Variants in KHSRP observed in about 807,000 individuals in gnomAD.
KHSRP encodes the protein far upstream element-binding protein 2.
In KHSRP, 13 loss-of-function variants were observed where a neutral mutation model predicts 94.9. The ratio of observed to expected loss-of-function variants is 0.14; its 90% confidence interval spans 0.09 to 0.22. The LOEUF (loss-of-function observed/expected upper bound fraction) is 0.22. Ranked by LOEUF, KHSRP falls within the 10% of genes least tolerant of loss-of-function variation. KHSRP has a pLI of 1.00. For missense variants in KHSRP, 710 were observed against 1,010.0 expected (o/e 0.70, Z 4.03); for synonymous variants, 495 against 401.4 (o/e 1.23, Z -2.79).
At chr19:6,420,366 G>C in intron 5 of KHSRP, 56 bp downstream of exon 5, 9 of 1,558,868 alleles carry the variant, frequency 5.8e-6, no homozygotes, top group Non-Finnish European at 8.0e-6. Flanking sequence ...GGAGCTCACA[G>C]GACACTTCCT....
chr19:6,416,129 C>A (rs1228641038), intron 15 of KHSRP, among the ~76,000 whole-genome samples, 169 bp downstream of exon 15: 1 of 152,320 alleles, frequency 6.6e-6, no homozygotes, highest in Admixed American at 6.5e-5. Flanking sequence ...TGCTGAAAGG[C>A]ACATGCTCTA....
intron 4 of KHSRP, 37 bp downstream of exon 4, chr19:6,421,241 C>T (rs766052716): frequency 3.1e-5 from 49 of 1,564,670 alleles, no homozygotes; most frequent in Non-Finnish European, 4.0e-5. Context: ...TGCTGGCCAA[C>T]AGACAAGAAA....
At chr19:6,421,430 C>A in intron 3 of KHSRP, 113 bp from the exon 4 acceptor site, 1 of 1,151,892 alleles carries the variant, frequency 8.7e-7, no homozygotes, top group Non-Finnish European at 1.3e-6. Context: ...CCAGCCTGCT[C>A]CAGTGCCTCA....
chr19:6,414,296 C>G lies in KHSRP; in HGVS notation c.*728G>C. 1 of 1,387,728 alleles carries G rather than the reference C, an allele frequency of 7.2e-7. No individual in the cohort carries two copies. The highest frequency in any genetic ancestry group is 1.8e-5 in the South Asian group (1 of 55,680). 86.0% of individuals were successfully genotyped at this position (1,387,728 alleles called of 1,614,324 possible). A position where few individuals can be genotyped will look rare whatever the true frequency, so the allele number is the denominator to read the frequency against. ...TGTTAACTGTCTAGCCAGGTGCTCGCGGGACTCGCTGAAGTCACGCTGCTC... is the reference window on the plus strand; with the variant it reads ...TGTTAACTGTCTAGCCAGGTGCTCGGGGGACTCGCTGAAGTCACGCTGCTC... On this transcript the variant is annotated 3_prime_UTR_variant, in exon 19 of 19. Transcript: ENST00000600480.
At chr19:6,419,061 C>T in intron 7 of KHSRP, 142 bp downstream of exon 7, 1 of 1,105,046 alleles carries the variant, frequency 9.0e-7, no homozygotes, top group South Asian at 1.4e-5. Flanking sequence ...GGGAATCAGC[C>T]TCATGTTAAC....
intron 6 of KHSRP, 91 bp from the exon 7 acceptor site, chr19:6,419,351 G>A: frequency 8.4e-7 from 1 of 1,186,596 alleles, no homozygotes; most frequent in Non-Finnish European, 1.2e-6. Context: ...GAACAACCAA[G>A]GGCCACTTCT....
At chr19:6,417,933 C>G in intron 10 of KHSRP, 48 bp downstream of exon 10, 2 of 1,606,004 alleles carry the variant, frequency 1.2e-6, no homozygotes. Flanking sequence ...CCCGGCCCCT[C>G]CCTCCACTGG....
In KHSRP at chr19:6,414,541, G is replaced by C; in HGVS notation, c.*483C>G. 1 of 1,033,858 alleles carries C rather than the reference G, an allele frequency of 9.7e-7. No individual in the cohort carries two copies. The allele number at this position is 1,033,858 out of a possible 1,614,324, so 64.0% of individuals were successfully genotyped here. A position where few individuals can be genotyped will look rare whatever the true frequency, so the allele number is the denominator to read the frequency against. ...TCACGCCCACTTCACAGACAAGCCC[G>C]GGACACAGGCAAGCGCGAGCGCATG... is the stretch of plus-strand genomic sequence containing the variant. On this transcript the variant is annotated 3_prime_UTR_variant, in exon 19 of 19. Transcript: ENST00000600480.
rs771260489 is a variant in KHSRP, at chr19:6,418,129, AC to A, written c.880-51del. 2.6e-5 allele frequency: 39 copies of A among 1,512,232 alleles called. No individual in the cohort carries two copies. Among genetic ancestry groups the A allele is most frequent in the Non-Finnish European group, 3.4e-5 (37 of 1,094,758 alleles). 93.7% of individuals were successfully genotyped at this position (1,512,232 alleles called of 1,614,324 possible). On this transcript the variant is annotated intron_variant, in intron 9 of 18. Transcript: ENST00000600480. This position sits in a 1 kb window ranked among gnomAD's most constrained non-coding sequence, Gnocchi z 4.3. ...CCATGGGTGAGCCCTGCTGCCCCAC[AC>A]CCCCCCACCTCCTCGGGGGTGCGGG...
Position 6,414,970 on chromosome 19 carries a change from G to C in KHSRP, c.*54C>G. The C allele has an allele frequency of 7.0e-7, 1 of 1,435,736 alleles. No individual in the cohort carries two copies. The highest frequency in any genetic ancestry group is 9.1e-7 in the Non-Finnish European group (1 of 1,100,532). The allele number at this position is 1,435,736 out of a possible 1,614,324, so 88.9% of individuals were successfully genotyped here. On this transcript the variant is annotated 3_prime_UTR_variant, in exon 19 of 19. Coordinates refer to ENST00000600480, the MANE Select transcript of KHSRP (RefSeq NM_001366299.1). The stretch of plus-strand genomic sequence containing the variant: ...TCTGGACCCAGCGAATGCTTCCCTG[G>C]CGGTGCGTGGGGACTCCCGGAGACC...
chr19:6,414,470 T>C lies in KHSRP; in HGVS notation c.*554A>G, dbSNP rs2092126735. 8.8e-7 allele frequency: 1 copy of C among 1,132,880 alleles called. No homozygotes were observed. Among genetic ancestry groups the C allele is most frequent in the Non-Finnish European group, 1.1e-6 (1 of 923,398 alleles). The allele number at this position is 1,132,880 out of a possible 1,614,324, so 70.2% of individuals were successfully genotyped here. On this transcript the variant is annotated 3_prime_UTR_variant, in exon 19 of 19. Coordinates refer to ENST00000600480, the MANE Select transcript of KHSRP (RefSeq NM_001366299.1). The stretch of plus-strand genomic sequence containing the variant: ...CATGAACAATCCAGAGATCATGGTG[T>C]CCCCACAACACCCCTGTGAGGTAGG...
rs2092172059 is a variant in KHSRP, at chr19:6,418,586, AC to A, written c.781-6del. On this transcript the variant is annotated splice_region_variant and splice_polypyrimidine_tract_variant and intron_variant, in intron 8 of 18. Transcript: ENST00000600480. The surrounding 1 kb of genome is among the most constrained non-coding windows in gnomAD (Gnocchi z 4.3). ...CATCTTCACTCCAGCGCGTTCCTTT[AC>A]AAGCAAGGTTAACCGTTAGTGCTGG... The A allele has an allele frequency of 6.2e-7, 1 of 1,613,720 alleles. No homozygotes were observed. Among genetic ancestry groups the A allele is most frequent in the African/African-American group, 1.3e-5 (1 of 74,902 alleles).
chr19:6,417,882 T>C (rs1328898875), intron 10 of KHSRP, 41 bp from the exon 11 acceptor site: 7 of 1,600,190 alleles, frequency 4.4e-6, no homozygotes, highest in Non-Finnish European at 5.1e-6. Context: ...CCCGCAGCTC[T>C]GCTGCCCTCT....
At chr19:6,420,177 T>G in intron 5 of KHSRP, 33 bp from the exon 6 acceptor site, 1 of 1,585,864 alleles carries the variant, frequency 6.3e-7, no homozygotes, top group Non-Finnish European at 8.6e-7. Context: ...AAGCAAAGCG[T>G]GATGAGGGAA....
chr19:6,419,865 C>T (rs997565756), intron 6 of KHSRP, among the ~76,000 whole-genome samples: 10 of 152,246 alleles, frequency 6.6e-5, no homozygotes, highest in Admixed American at 5.2e-4. Context: ...AGTCCATACC[C>T]ACCCACTGAA....
rs2092116799 is a variant in KHSRP, at chr19:6,413,604, C to A, written c.*1420G>T. 5.6e-6 allele frequency: 1 copy of A among 178,374 alleles called. No homozygotes were observed. The highest frequency in any genetic ancestry group is 7.2e-4 in the Middle Eastern group (1 of 1,382). 11.0% of individuals were successfully genotyped at this position (178,374 alleles called of 1,614,324 possible). On this transcript the variant is annotated 3_prime_UTR_variant, in exon 19 of 19. Transcript: ENST00000600480. ...TACAACACCTGGTCCAAGGAATGTT[C>A]CACCTCTAACTAAAAAAAAGAAATA...
Position 6,414,793 on chromosome 19 carries a change from G to A in KHSRP, c.*231C>T, listed in dbSNP as rs2092130330. The A allele has an allele frequency of 8.7e-7, 1 of 1,153,118 alleles. No homozygotes were observed. The highest frequency in any genetic ancestry group is 4.5e-5 in the East Asian group (1 of 22,098). 71.4% of individuals were successfully genotyped at this position (1,153,118 alleles called of 1,614,324 possible). ...CCAGATTGTGAGCGAGGTGGTGGCG[G>A]CCGGGCCGGTGCCCACCGTCCGCGC... is the stretch of plus-strand genomic sequence containing the variant. On this transcript the variant is annotated 3_prime_UTR_variant, in exon 19 of 19. Coordinates refer to ENST00000600480, the MANE Select transcript of KHSRP (RefSeq NM_001366299.1).
chr19:6,422,409 C>T lies in KHSRP; in HGVS notation c.277G>A (p.Ala93Thr). ...GGAGTGCTGTTATTCACTGTCGTGG[C>T]AGCATCGCCTCCAATTTTGGCTGCA... is the stretch of plus-strand genomic sequence containing the variant. The part of the protein sequence containing the change: ...QIAAKIGGDA[A>T]TTVNNSTPDF... The change falls in exon 2 of 19, where the codon GCC becomes ACC. Residue 93 changes from alanine to threonine, a missense_variant. Transcript: ENST00000600480. 6.2e-7 allele frequency: 1 copy of T among 1,613,752 alleles called. No individual in the cohort carries two copies. The highest frequency in any genetic ancestry group is 8.5e-7 in the Non-Finnish European group (1 of 1,179,780).
chr19:6,419,710 TCA>T (rs140679204), intron 6 of KHSRP, among the ~76,000 whole-genome samples: 1,651 of 152,312 alleles, frequency 0.011, 34 homozygotes, highest in African/African-American at 0.039. Context: ...GGGCCTGACC[TCA>T]GAGTGACCCC....
Sources: gnomAD v4.1 joint callset for allele counts (sites outside exome capture counted in the v4.1 genomes callset) on GRCh38, gnomAD v4.1.1 for gene constraint, Gnocchi (gnomAD v3.1) non-coding constraint, MANE v1.5 for transcripts, NCBI Gene and HGNC (gene_info 2026-07-23, HGNC 2026-07-21) for gene names.